Variants in DNMBP observed in about 807,000 individuals in gnomAD.
DNMBP encodes the protein dynamin binding protein.
Under a neutral mutation model 150.0 loss-of-function variants are expected in DNMBP, and 87 were observed. The observed-to-expected ratio is 0.58, with a 90% CI of 0.49 to 0.69. The LOEUF (loss-of-function observed/expected upper bound fraction) is 0.69. Among genes scored for constraint, DNMBP ranks in the 30% least tolerant of loss-of-function variants. The pLI is 0.00. For missense variants in DNMBP, 1,774 were observed against 1,949.0 expected (o/e 0.91, Z 1.69); for synonymous variants, 711 against 750.4 (o/e 0.95, Z 0.86).
Position 99,885,853 on chromosome 10 carries a change from G to C in DNMBP, c.3632C>G (p.Ala1211Gly). ...GGCAATAAGGTTTCCCTCTCTGCCA[G>C]CCACTTTGAGTAACTGGGGTCCATG... Reference protein sequence around the residue: ...LKPLLSLLKVAGREGNLIAIF... With the variant: ...LKPLLSLLKVGGREGNLIAIF... Residue 1211 changes from alanine to glycine, a missense_variant, in exon 14 of 17, where the codon GCT becomes GGT. Around this residue, in one of 2 missense-constraint regions of DNMBP, gnomAD observed 1,430 missense variants for 1,492.5 expected, o/e 0.96. Transcript: ENST00000324109. 2 of 1,612,030 alleles carry C rather than the reference G, an allele frequency of 1.2e-6. No individual in the cohort carries two copies. The highest frequency in any genetic ancestry group is 1.7e-6 in the Non-Finnish European group (2 of 1,178,960).
intron 5 of DNMBP, among the ~76,000 whole-genome samples, chr10:99,908,419 G>A (rs757756055): frequency 2.4e-4 from 36 of 152,184 alleles, no homozygotes; most frequent in Non-Finnish European, 4.7e-4. Flanking sequence ...GAAGTACTTG[G>A]GAGTGAATGC....
At chr10:99,949,834 A>G (rs2040398947) in intron 4 of DNMBP, among the ~76,000 whole-genome samples, 1 of 152,208 alleles carries the variant, frequency 6.6e-6, no homozygotes. Context: ...CAGTCCATTT[A>G]CCCATTTAAA....
intron 1 of DNMBP, among the ~76,000 whole-genome samples, chr10:99,994,886 T>C (rs897232692): frequency 6.6e-6 from 1 of 152,102 alleles, no homozygotes; most frequent in East Asian, 1.9e-4. Flanking sequence ...TTTGTCCTAT[T>C]TTCCACACCC....
At chr10:100,005,982 T>A (rs1388179204) in intron 1 of DNMBP, among the ~76,000 whole-genome samples, 1 of 152,142 alleles carries the variant, frequency 6.6e-6, no homozygotes, top group East Asian at 1.9e-4. Flanking sequence ...ATTCCTTGCG[T>A]GTTATAAAAG....
rs190030363 is a variant in DNMBP, at chr10:99,991,130, G to T, written c.-11+18708C>A. ...GTCTCACTCTCTTGCCCAAGCTAGA[G>T]TGCAGTGGCGTGATCTCGGCTCACT... On this transcript the variant is annotated intron_variant, in intron 1 of 16. Coordinates refer to ENST00000324109, the MANE Select transcript of DNMBP (RefSeq NM_015221.4). 7.6e-4 allele frequency among the ~76,000 whole-genome samples: 115 copies of T among 151,082 alleles called. 1 individual carries two copies. Among genetic ancestry groups the T allele is most frequent in the African/African-American group, 2.8e-3 (114 of 41,094 alleles).
intron 3 of DNMBP, among the ~76,000 whole-genome samples, chr10:99,960,430 A>G (rs973674976): frequency 3.9e-5 from 6 of 152,114 alleles, no homozygotes. Context: ...ACCTGGCAAA[A>G]TCCTATGAGT....
At chr10:99,996,801 A>G (rs1467990391) in intron 1 of DNMBP, among the ~76,000 whole-genome samples, 2 of 152,184 alleles carry the variant, frequency 1.3e-5, no homozygotes, top group African/African-American at 2.4e-5. Flanking sequence ...ATACTTCAAC[A>G]ATTTTCATTC....
At chr10:99,953,293 C>A (rs1453589815) in intron 4 of DNMBP, among the ~76,000 whole-genome samples, 1 of 151,212 alleles carries the variant, frequency 6.6e-6, no homozygotes, top group Non-Finnish European at 1.5e-5. Context: ...AGAGACAGGT[C>A]TCTCTATGTT....
chr10:99,981,917 T>A (rs983582384), intron 1 of DNMBP, among the ~76,000 whole-genome samples: 4 of 152,196 alleles, frequency 2.6e-5, no homozygotes, highest in Admixed American at 6.5e-5. Flanking sequence ...TCAAAACAGC[T>A]TTCTCTTGCA....
chr10:99,964,409 A>C (rs978865175), intron 3 of DNMBP, among the ~76,000 whole-genome samples: 2 of 150,172 alleles, frequency 1.3e-5, no homozygotes, highest in Non-Finnish European at 3.0e-5. Flanking sequence ...GGCGTGAGCC[A>C]CTGCGCCCAG....
intron 4 of DNMBP, among the ~76,000 whole-genome samples, chr10:99,920,911 C>G (rs2040015671): frequency 6.6e-6 from 1 of 152,116 alleles, no homozygotes; most frequent in African/African-American, 2.4e-5. Context: ...AACTCGTGAG[C>G]TCAAGGAATC....
intron 4 of DNMBP, among the ~76,000 whole-genome samples, chr10:99,937,907 G>A (rs568448204): frequency 2.6e-5 from 4 of 152,354 alleles, no homozygotes; most frequent in South Asian, 2.1e-4. Flanking sequence ...CAGTGTAACA[G>A]AGAGAGCACT....
At chr10:99,895,774 G>A (rs1372437729) in intron 10 of DNMBP, among the ~76,000 whole-genome samples, 1 of 152,146 alleles carries the variant, frequency 6.6e-6, no homozygotes, top group Non-Finnish European at 1.5e-5. Context: ...AGCATTTGGA[G>A]AACAAAATAC....
At chr10:100,008,830 T>C (rs2041102425) in intron 1 of DNMBP, among the ~76,000 whole-genome samples, 1 of 152,204 alleles carries the variant, frequency 6.6e-6, no homozygotes, top group Non-Finnish European at 1.5e-5. Flanking sequence ...CCCCGAATGC[T>C]GTCAGGTACT....
intron 1 of DNMBP, among the ~76,000 whole-genome samples, chr10:99,984,784 C>T (rs1564754242): frequency 6.6e-6 from 1 of 152,148 alleles, no homozygotes; most frequent in Non-Finnish European, 1.5e-5. Flanking sequence ...GGCTAGAGTG[C>T]AGTGATGATC....
rs979441331 is a variant in DNMBP at position 99,909,014 on chromosome 10, T to C, written c.2393A>G (p.Asp798Gly). The change falls in exon 5 of 17, where the codon GAC becomes GGC. Residue 798 changes from aspartate to glycine, a missense_variant. By Grantham distance (94) the Asp-to-Gly change is moderately conservative. Coordinates refer to ENST00000324109, the MANE Select transcript of DNMBP (RefSeq NM_015221.4). ...ACACATTTCCAGATCCCGAATGTAG[T>C]CTCTTTCTGTCTGAAGAAGTTCTTC... ...VIEELLQTER[D>G]YIRDLEMCIE... 4 of 1,614,160 alleles carry C rather than the reference T, an allele frequency of 2.5e-6. No individual in the cohort carries two copies. Among genetic ancestry groups the C allele is most frequent in the Non-Finnish European group, 2.5e-6 (3 of 1,180,040 alleles).
At chr10:99,995,187 G>C (rs893758925) in intron 1 of DNMBP, among the ~76,000 whole-genome samples, 17 of 151,914 alleles carry the variant, frequency 1.1e-4, no homozygotes, top group Admixed American at 9.2e-4. Context: ...CAAGTAGCTG[G>C]GACGGCAGAC....
intron 1 of DNMBP, among the ~76,000 whole-genome samples, chr10:100,001,286 G>A (rs1431032312): frequency 8.1e-6 from 1 of 123,008 alleles, no homozygotes; most frequent in Non-Finnish European, 1.6e-5. Context: ...TAGAGAGTGA[G>A]AAAGGAAGGC....
intron 1 of DNMBP, among the ~76,000 whole-genome samples, chr10:100,000,462 T>C (rs548985441): frequency 1.3e-5 from 2 of 152,312 alleles, no homozygotes; most frequent in East Asian, 1.9e-4. Flanking sequence ...ATTCACATGC[T>C]ACTTTCGGGA....
Sources: allele counts gnomAD v4.1 joint callset (sites outside exome capture counted in the v4.1 genomes callset), GRCh38; gene constraint gnomAD v4.1.1; regional missense constraint gnomAD v4.1.1; transcripts MANE v1.5; gene names NCBI Gene and HGNC (gene_info 2026-07-23, HGNC 2026-07-21).